Variants in RANBP2 observed in about 807,000 individuals in gnomAD.
The protein encoded by RANBP2 is RAN binding protein 2.
Under a neutral mutation model 303.6 loss-of-function variants are expected in RANBP2, and 57 were observed. The observed-to-expected ratio is 0.19, with a 90% CI of 0.15 to 0.23. RANBP2 has a LOEUF of 0.23. Among genes scored for constraint, RANBP2 ranks in the 10% least tolerant of loss-of-function variants. The pLI is 1.00. For missense variants in RANBP2, 3,138 were observed against 3,780.8 expected, an observed-to-expected ratio of 0.83 and a Z score of 4.46; for synonymous variants, 1,167 against 1,301.5, an observed-to-expected ratio of 0.90 and a Z score of 2.23.
chr2:109,422,182 C>G, the RANBP2 span, among the ~76,000 whole-genome samples: 2 of 152,206 alleles, frequency 1.3e-5, no homozygotes, highest in East Asian at 3.9e-4. Context: ...GCTGTCGTTG[C>G]AAAAACAACC....
chr2:109,540,697 T>A, the RANBP2 span, among the ~76,000 whole-genome samples: 17 of 148,322 alleles, frequency 1.1e-4, no homozygotes, highest in Non-Finnish European at 1.8e-4. Flanking sequence ...CATGGTGATG[T>A]GCCTAAGGCA....
chr2:108,848,929 A>G, the RANBP2 span, among the ~76,000 whole-genome samples: 1 of 152,342 alleles, frequency 6.6e-6, no homozygotes, highest in African/African-American at 2.4e-5. Flanking sequence ...TACAGATGAT[A>G]GAATTAGTAG....
the RANBP2 span, among the ~76,000 whole-genome samples, chr2:108,965,761 G>A: frequency 6.6e-6 from 1 of 152,016 alleles, no homozygotes; most frequent in Non-Finnish European, 1.5e-5. Context: ...ATGTGGTGGT[G>A]GGGGGCTGGG....
the RANBP2 span, among the ~76,000 whole-genome samples, chr2:109,641,039 A>G: frequency 9.6e-3 from 1,463 of 152,336 alleles, 23 homozygotes; most frequent in African/African-American, 0.034. Context: ...ATAACTACAA[A>G]TAATGGCCTC....
the RANBP2 span, among the ~76,000 whole-genome samples, chr2:108,973,776 C>T: frequency 7.5e-3 from 1,142 of 152,262 alleles, 16 homozygotes; most frequent in African/African-American, 0.025. Flanking sequence ...CTCACAATAA[C>T]GAAAACATCA....
chr2:109,526,658 A>G, the RANBP2 span, among the ~76,000 whole-genome samples: 1 of 152,148 alleles, frequency 6.6e-6, no homozygotes, highest in Non-Finnish European at 1.5e-5. Flanking sequence ...CTGGAGGCCC[A>G]AGGGTGGGAG....
At chr2:109,567,379 ATG>A in the RANBP2 span, among the ~76,000 whole-genome samples, 3 of 152,228 alleles carry the variant, frequency 2.0e-5, no homozygotes, top group Non-Finnish European at 4.4e-5. Context: ...AGTTATATGA[ATG>A]TAACTTGACA....
chr2:108,886,424 AT>A, the RANBP2 span, among the ~76,000 whole-genome samples: 5 of 151,064 alleles, frequency 3.3e-5, no homozygotes, highest in East Asian at 2.0e-4. Context: ...CACTTTATTT[AT>A]TTTTTTTGAG....
At chr2:108,808,528 T>C in the RANBP2 span, among the ~76,000 whole-genome samples, 1 of 152,318 alleles carries the variant, frequency 6.6e-6, no homozygotes, top group South Asian at 2.1e-4. Context: ...CGTTTATTAC[T>C]TTTTGTCTTT....
At chr2:109,134,139 A>G in the RANBP2 span, among the ~76,000 whole-genome samples, 1 of 152,212 alleles carries the variant, frequency 6.6e-6, no homozygotes, top group Non-Finnish European at 1.5e-5. Flanking sequence ...CCTTATGGAA[A>G]GTTCACAATA....
chr2:109,145,469 G>A, the RANBP2 span, among the ~76,000 whole-genome samples: 4 of 152,258 alleles, frequency 2.6e-5, no homozygotes, highest in South Asian at 2.1e-4. Context: ...CTGTCTGTCC[G>A]TGAGGGAATG....
the RANBP2 span, among the ~76,000 whole-genome samples, chr2:109,653,544 T>C: frequency 6.6e-6 from 1 of 152,094 alleles, no homozygotes; most frequent in Non-Finnish European, 1.5e-5. Flanking sequence ...GCCCATTTTA[T>C]AGGAATCTCC....
the RANBP2 span, among the ~76,000 whole-genome samples, chr2:108,952,684 C>T: frequency 6.6e-5 from 10 of 152,224 alleles, no homozygotes; most frequent in African/African-American, 2.2e-4. Flanking sequence ...TTAATTCCAA[C>T]ATCCGGATTA....
At chr2:109,212,314 G>A in the RANBP2 span, among the ~76,000 whole-genome samples, 599 of 152,340 alleles carry the variant, frequency 3.9e-3, 5 homozygotes, top group African/African-American at 0.013. Flanking sequence ...TGGAGGAGGG[G>A]CAGTTTTCAA....
chr2:109,426,255 C>T, the RANBP2 span, among the ~76,000 whole-genome samples: 1 of 152,328 alleles, frequency 6.6e-6, no homozygotes, highest in East Asian at 1.9e-4. Context: ...GGTGATTCCT[C>T]TCATGGATCT....
At chr2:109,690,209 C>G in the RANBP2 span, among the ~76,000 whole-genome samples, 1 of 152,118 alleles carries the variant, frequency 6.6e-6, no homozygotes, top group African/African-American at 2.4e-5. Context: ...GGTCAGAGCA[C>G]AGCTTGGTTT....
the RANBP2 span, among the ~76,000 whole-genome samples, chr2:109,537,134 A>G: frequency 6.6e-6 from 1 of 152,210 alleles, no homozygotes; most frequent in Non-Finnish European, 1.5e-5. Context: ...CCCAAAGAAG[A>G]AGGTTTTCAA....
intron 1 of RANBP2, 27 bp from the exon 2 acceptor site, chr2:108,729,105 A>G (rs765026716): frequency 6.4e-7 from 1 of 1,562,292 alleles, no homozygotes; most frequent in African/African-American, 1.3e-5. Context: ...CTGTATGAAA[A>G]GTAAAACAAC....
chr2:109,472,822 C>T, the RANBP2 span, among the ~76,000 whole-genome samples: 17 of 152,200 alleles, frequency 1.1e-4, no homozygotes, highest in Admixed American at 6.5e-5. Context: ...ATCCAACACA[C>T]AGCAAAGTTA....
Sources: allele counts gnomAD v4.1 joint callset (sites outside exome capture counted in the v4.1 genomes callset), GRCh38; gene constraint gnomAD v4.1.1; transcripts MANE v1.5; gene names NCBI Gene and HGNC (gene_info 2026-07-23, HGNC 2026-07-21).